Variants in LNX1 observed in about 807,000 individuals in gnomAD.
The protein encoded by LNX1 is ligand of numb-protein X 1.
LNX1 carries 54 observed loss-of-function variants against 68.4 expected under a neutral mutation model. The ratio of observed to expected loss-of-function variants is 0.79; its 90% CI spans 0.63 to 0.99. The LOEUF (loss-of-function observed/expected upper bound fraction) is 0.99. Among genes scored for constraint, LNX1 ranks in the 50% least tolerant of loss-of-function variants. LNX1 has a pLI of 0.00. For missense variants in LNX1, 906 were observed against 926.4 expected (o/e 0.98, Z 0.29); for synonymous variants, 336 against 350.0 (o/e 0.96, Z 0.45).
intron 9 of LNX1, among the ~76,000 whole-genome samples, chr4:53,473,630 C>T (rs1440305273): frequency 6.6e-6 from 1 of 152,104 alleles, no homozygotes; most frequent in African/African-American, 2.4e-5. Flanking sequence ...ATGAGGGTGA[C>T]AACAGACACC....
In LNX1 at chr4:53,459,495, T is replaced by C; in HGVS notation, c.*1412A>G. On this transcript the variant is annotated 3_prime_UTR_variant, in exon 11 of 11. Transcript: ENST00000263925. ...GTATATTAGTACCAGAAGTAGATAC[T>C]ATAAATCTTGTTATTTTTCTGGATA... 6.2e-7 allele frequency: 1 copy of C among 1,610,162 alleles called. No homozygotes were observed. The highest frequency in any genetic ancestry group is 8.5e-7 in the Non-Finnish European group (1 of 1,177,666).
At chr4:53,482,711 G>A (rs1434919496) in intron 6 of LNX1, among the ~76,000 whole-genome samples, 1 of 152,178 alleles carries the variant, frequency 6.6e-6, no homozygotes, top group Admixed American at 6.5e-5. Context: ...AAAGGGGAGG[G>A]TGAGTGGGGT....
chr4:53,581,248 T>C (rs17083082), intron 1 of LNX1, among the ~76,000 whole-genome samples: 17,286 of 152,240 alleles, frequency 0.11, 1,176 homozygotes, highest in East Asian at 0.34. Flanking sequence ...TTTTAATGGC[T>C]AATTTTTTTC....
At chr4:53,621,451 C>A (rs1032083449), upstream of LNX1, among the ~76,000 whole-genome samples, 1 of 152,188 alleles carries the variant, frequency 6.6e-6, no homozygotes, top group Non-Finnish European at 1.5e-5. Context: ...TCAAAACCTA[C>A]TTGCTGCCTT....
At chr4:53,531,613 T>C (rs1728027917) in intron 2 of LNX1, among the ~76,000 whole-genome samples, 1 of 152,208 alleles carries the variant, frequency 6.6e-6, no homozygotes, top group East Asian at 1.9e-4. Flanking sequence ...TTCTCCACCA[T>C]GTAAACATAT....
Position 53,460,823 on chromosome 4 carries a change from A to T in LNX1, c.*84T>A. On this transcript the variant is annotated 3_prime_UTR_variant, in exon 11 of 11. Coordinates refer to ENST00000263925, the MANE Select transcript of LNX1 (RefSeq NM_001126328.3). ...TTTACAATGTATTCTTTCTTTAAAT[A>T]TAAAAACTGACAAGATAAATATAGT... 7.7e-7 allele frequency: 1 copy of T among 1,293,952 alleles called. No homozygotes were observed. The allele number at this position is 1,293,952 out of a possible 1,614,324, so 80.2% of individuals were successfully genotyped here.
intron 1 of LNX1, among the ~76,000 whole-genome samples, chr4:53,644,778 T>A (rs1245531296): frequency 1.3e-5 from 2 of 151,974 alleles, no homozygotes; most frequent in Non-Finnish European, 2.9e-5. Flanking sequence ...GAGCTCAGAG[T>A]ATATCTGGAA....
intron 1 of LNX1, among the ~76,000 whole-genome samples, chr4:53,588,679 T>G (rs1417632255): frequency 1.3e-5 from 2 of 152,068 alleles, no homozygotes; most frequent in African/African-American, 4.8e-5. Context: ...CATTTTAGCG[T>G]CCTTTGGGGA....
intron 2 of LNX1, among the ~76,000 whole-genome samples, chr4:53,513,026 C>T (rs959451631): frequency 9.2e-5 from 14 of 152,134 alleles, no homozygotes; most frequent in African/African-American, 3.1e-4. Flanking sequence ...CATGGCTTTG[C>T]AACCAACCCT....
intron 2 of LNX1, among the ~76,000 whole-genome samples, chr4:53,560,254 G>A (rs925462634): frequency 6.6e-6 from 1 of 152,156 alleles, no homozygotes; most frequent in African/African-American, 2.4e-5. Flanking sequence ...TCTTGGACAT[G>A]TCAGATTGCT....
intron 1 of LNX1, chr4:53,579,282 AC>A: frequency 1.0e-6 from 1 of 984,500 alleles, no homozygotes; most frequent in Non-Finnish European, 1.2e-6. Context: ...TGGAAATCTT[AC>A]ACTTTTTCAG....
At chr4:53,520,434 C>T (rs935370292) in intron 2 of LNX1, among the ~76,000 whole-genome samples, 41 of 152,290 alleles carry the variant, frequency 2.7e-4, no homozygotes, top group African/African-American at 9.9e-4. Flanking sequence ...CAGGTCAATT[C>T]TTCAGAGACG....
intron 2 of LNX1, among the ~76,000 whole-genome samples, chr4:53,531,898 C>G (rs1454800020): frequency 6.6e-6 from 1 of 152,146 alleles, no homozygotes; most frequent in East Asian, 1.9e-4. Flanking sequence ...ATTTCTCTCT[C>G]TAGAGGAATG....
chr4:53,613,762 T>G (rs182762807), intron 2 of LNX1, among the ~76,000 whole-genome samples: 3 of 152,242 alleles, frequency 2.0e-5, no homozygotes, highest in African/African-American at 7.2e-5. Context: ...AGCACTGCAC[T>G]GAATATATGG....
At chr4:53,556,749 G>A (rs1729941378) in intron 2 of LNX1, among the ~76,000 whole-genome samples, 1 of 152,164 alleles carries the variant, frequency 6.6e-6, no homozygotes, top group African/African-American at 2.4e-5. Flanking sequence ...CAAGAACCTA[G>A]CTGTATTTAC....
At chr4:53,500,914 C>T (rs1260982489) in intron 4 of LNX1, among the ~76,000 whole-genome samples, 1 of 152,190 alleles carries the variant, frequency 6.6e-6, no homozygotes, top group Admixed American at 6.5e-5. Context: ...TTTTCCCTCC[C>T]TCATTCCCCT....
chr4:53,470,698 GACAA>G (rs1431452504), intron 9 of LNX1, among the ~76,000 whole-genome samples: 4 of 152,118 alleles, frequency 2.6e-5, no homozygotes, highest in South Asian at 2.1e-4. Flanking sequence ...ACCAATAACA[GACAA>G]ACAGAGATCC....
chr4:53,465,658 G>C (rs1722624145), intron 9 of LNX1, among the ~76,000 whole-genome samples: 1 of 152,168 alleles, frequency 6.6e-6, no homozygotes, highest in African/African-American at 2.4e-5. Context: ...TGTGTTTATT[G>C]CCAAAGAACT....
At chr4:53,557,806 G>A in intron 2 of LNX1, 1 of 1,582,348 alleles carries the variant, frequency 6.3e-7, no homozygotes, top group Non-Finnish European at 8.7e-7. Flanking sequence ...GCTAGGGAAT[G>A]GACTCGGGTC....
Sources: allele counts gnomAD v4.1 joint callset (sites outside exome capture counted in the v4.1 genomes callset), GRCh38; gene constraint gnomAD v4.1.1; transcripts MANE v1.5; gene names NCBI Gene and HGNC (gene_info 2026-07-23, HGNC 2026-07-21).